The following MAGI2 variants were observed in gnomAD, a reference collection of about 807,000 sequenced individuals.
MAGI2 encodes the protein membrane associated guanylate kinase, WW and PDZ domain containing 2, also known as membrane-associated guanylate kinase, WW and PDZ domain-containing protein 2.
A neutral mutation model predicts 133.3 loss-of-function variants in MAGI2; 35 were observed. The observed-to-expected ratio is 0.26, with a 90% CI of 0.20 to 0.35. The LOEUF is 0.35. Ranked by LOEUF, MAGI2 falls within the 10% of genes least tolerant of loss-of-function variation. The pLI is 1.00. For missense variants in MAGI2, 1,636 were observed against 1,863.4 expected (o/e 0.88, Z 2.25); for synonymous variants, 729 against 710.6 (o/e 1.03, Z -0.41).
chr7:78,445,476 GA>G (rs1788042866), intron 6 of MAGI2, among the ~76,000 whole-genome samples: 1 of 151,992 alleles, frequency 6.6e-6, no homozygotes, highest in Non-Finnish European at 1.5e-5. Context: ...TCTGTTGGTT[GA>G]TATATAATCT....
chr7:78,300,687 T>G (rs956860688), intron 9 of MAGI2, among the ~76,000 whole-genome samples: 1 of 152,246 alleles, frequency 6.6e-6, no homozygotes, highest in African/African-American at 2.4e-5. Flanking sequence ...TGACTTAGTG[T>G]CAAGGAAAGA....
At chr7:78,488,136 G>T (rs1418751425) in intron 6 of MAGI2, among the ~76,000 whole-genome samples, 1 of 151,978 alleles carries the variant, frequency 6.6e-6, no homozygotes, top group Non-Finnish European at 1.5e-5. Flanking sequence ...ACAAATAGCA[G>T]TTGACCAAGT....
At chr7:78,382,676 C>T (rs984043186) in intron 6 of MAGI2, among the ~76,000 whole-genome samples, 4 of 151,940 alleles carry the variant, frequency 2.6e-5, no homozygotes, top group Admixed American at 6.6e-5. Context: ...GTACAGTCGC[C>T]GTACTCTATC....
chr7:78,830,135 C>T (rs1369831995), intron 2 of MAGI2, among the ~76,000 whole-genome samples: 1 of 151,896 alleles, frequency 6.6e-6, no homozygotes, highest in Non-Finnish European at 1.5e-5. Flanking sequence ...TGCAAGATTC[C>T]AAGCAATTTT....
chr7:79,140,928 G>T (rs1036265436), intron 1 of MAGI2, among the ~76,000 whole-genome samples: 1 of 152,176 alleles, frequency 6.6e-6, no homozygotes, highest in East Asian at 1.9e-4. Flanking sequence ...CCTTTGGTTT[G>T]GTTATAGCAT....
At chr7:78,995,191 AT>A (rs1806165323) in intron 2 of MAGI2, among the ~76,000 whole-genome samples, 1 of 152,124 alleles carries the variant, frequency 6.6e-6, no homozygotes, top group Non-Finnish European at 1.5e-5. Flanking sequence ...TCACAAAAAA[AT>A]CTCATAACGT....
At chr7:79,198,790 A>G (rs999988153) in intron 1 of MAGI2, among the ~76,000 whole-genome samples, 1 of 151,998 alleles carries the variant, frequency 6.6e-6, no homozygotes, top group Non-Finnish European at 1.5e-5. Flanking sequence ...CGGGAGGCTG[A>G]GGCAGGAGAA....
intron 2 of MAGI2, among the ~76,000 whole-genome samples, chr7:78,942,332 G>A (rs1328865099): frequency 1.3e-5 from 2 of 151,856 alleles, no homozygotes; most frequent in African/African-American, 4.8e-5. Flanking sequence ...CCTGTTGATT[G>A]TAAACTTTCT....
At chr7:78,922,354 C>CA (rs1426445274) in intron 2 of MAGI2, among the ~76,000 whole-genome samples, 1 of 151,776 alleles carries the variant, frequency 6.6e-6, no homozygotes, top group Non-Finnish European at 1.5e-5. Context: ...GCCCCCACCC[C>CA]ACAACAGTCC....
intron 1 of MAGI2, among the ~76,000 whole-genome samples, chr7:79,264,814 G>A (rs190801360): frequency 5.3e-5 from 8 of 151,758 alleles, no homozygotes; most frequent in South Asian, 2.1e-4. Flanking sequence ...AAGGGGAGCC[G>A]GAGTGTACAG....
chr7:79,042,474 T>G (rs1811761919), intron 1 of MAGI2, among the ~76,000 whole-genome samples: 1 of 152,178 alleles, frequency 6.6e-6, no homozygotes, highest in Non-Finnish European at 1.5e-5. Flanking sequence ...TCTTGCTTCT[T>G]TATCCAACTT....
intron 1 of MAGI2, among the ~76,000 whole-genome samples, chr7:79,318,369 A>T (rs1436966823): frequency 6.6e-6 from 1 of 151,764 alleles, no homozygotes; most frequent in Non-Finnish European, 1.5e-5. Flanking sequence ...TCATTAAGTA[A>T]ATTGAAAAAA....
chr7:78,642,401 A>G (rs1242260064), intron 2 of MAGI2, among the ~76,000 whole-genome samples: 1 of 152,210 alleles, frequency 6.6e-6, no homozygotes, highest in Non-Finnish European at 1.5e-5. Flanking sequence ...GCATTCCAAG[A>G]TATTTGATTC....
At chr7:78,313,767 C>T (rs17150505) in intron 9 of MAGI2, among the ~76,000 whole-genome samples, 26,747 of 151,640 alleles carry the variant, frequency 0.18, 3,824 homozygotes, top group African/African-American at 0.38. Flanking sequence ...TTTTCAGAGA[C>T]GGAAAAAAAA....
At chr7:78,774,440 A>T (rs1025027615) in intron 2 of MAGI2, among the ~76,000 whole-genome samples, 1 of 152,114 alleles carries the variant, frequency 6.6e-6, no homozygotes, top group East Asian at 1.9e-4. Flanking sequence ...GCCACTAAAA[A>T]CCAAGAATCC....
At chr7:78,175,010 C>A (rs1392455485) in intron 14 of MAGI2, among the ~76,000 whole-genome samples, 1 of 152,214 alleles carries the variant, frequency 6.6e-6, no homozygotes, top group Non-Finnish European at 1.5e-5. Flanking sequence ...CCCTTCCAGA[C>A]TTTATCCTGT....
chr7:79,032,519 G>GAAAAAA (rs34049134), intron 1 of MAGI2, among the ~76,000 whole-genome samples: 6 of 118,218 alleles, frequency 5.1e-5, no homozygotes, highest in African/African-American at 1.5e-4. Context: ...CTCTGACTCA[G>GAAAAAA]AAAAAAAAAA....
intron 12 of MAGI2, among the ~76,000 whole-genome samples, chr7:78,194,631 C>T (rs1375167077): frequency 2.6e-5 from 4 of 152,022 alleles, no homozygotes; most frequent in Admixed American, 6.6e-5. Flanking sequence ...AATATATTCC[C>T]GATTTTCTTC....
At chr7:78,470,279 G>A (rs1217937882) in intron 6 of MAGI2, among the ~76,000 whole-genome samples, 1 of 152,056 alleles carries the variant, frequency 6.6e-6, no homozygotes, top group Admixed American at 6.6e-5. Flanking sequence ...TCTGACCACT[G>A]TGGAATCTGT....
Sources: gnomAD v4.1 joint callset for allele counts (sites outside exome capture counted in the v4.1 genomes callset) on GRCh38, gnomAD v4.1.1 for gene constraint, MANE v1.5 for transcripts, NCBI Gene and HGNC (gene_info 2026-07-23, HGNC 2026-07-21) for gene names.